GALNT13: variants seen among roughly 807,000 people sequenced by gnomAD.
GALNT13 encodes the protein UDP-GalNAc:polypeptide N-acetylgalactosaminyltransferase 13.
A neutral mutation model predicts 64.2 loss-of-function variants in GALNT13; 28 were observed. That is an observed-to-expected ratio of 0.44 (90% confidence interval 0.32 to 0.60). GALNT13 has a LOEUF of 0.60. Ranked by LOEUF, GALNT13 falls within the 20% of genes least tolerant of loss-of-function variation. GALNT13 has a pLI of 0.05. For missense variants in GALNT13, 577 were observed against 669.8 expected (o/e 0.86, Z 1.53); for synonymous variants, 214 against 224.6 (o/e 0.95, Z 0.42).
chr2:153,194,418 T>C, the GALNT13 span, among the ~76,000 whole-genome samples: 9 of 152,332 alleles, frequency 5.9e-5, no homozygotes, highest in Admixed American at 1.3e-4. Flanking sequence ...ATTTAATACA[T>C]TCTTCAGTTC....
At chr2:154,230,298 A>C (rs1379748351) in intron 4 of GALNT13, among the ~76,000 whole-genome samples, 1 of 152,132 alleles carries the variant, frequency 6.6e-6, no homozygotes, top group East Asian at 1.9e-4. Flanking sequence ...CTGCAAAGTC[A>C]CTTTAATTAC....
the GALNT13 span, among the ~76,000 whole-genome samples, chr2:153,604,824 G>A: frequency 6.6e-6 from 1 of 152,030 alleles, no homozygotes; most frequent in Non-Finnish European, 1.5e-5. Flanking sequence ...CCTATTGGAT[G>A]GTTTCTGTGT....
chr2:154,281,251 C>G (rs1691944387), intron 8 of GALNT13, among the ~76,000 whole-genome samples: 1 of 152,156 alleles, frequency 6.6e-6, no homozygotes, highest in African/African-American at 2.4e-5. Flanking sequence ...TGTAGGATTT[C>G]TAATATCTGA....
chr2:153,680,251 G>T, the GALNT13 span, among the ~76,000 whole-genome samples: 3 of 151,706 alleles, frequency 2.0e-5, no homozygotes, highest in African/African-American at 7.3e-5. Flanking sequence ...TATGACAGAC[G>T]AAGAATGGAG....
chr2:154,359,740 G>C (rs1213768652), intron 9 of GALNT13, among the ~76,000 whole-genome samples: 2 of 152,108 alleles, frequency 1.3e-5, no homozygotes, highest in Non-Finnish European at 2.9e-5. Flanking sequence ...CCATTGATTA[G>C]TGCATGTTGA....
At chr2:154,229,902 A>G (rs1277466196) in intron 4 of GALNT13, among the ~76,000 whole-genome samples, 1 of 152,120 alleles carries the variant, frequency 6.6e-6, no homozygotes, top group African/African-American at 2.4e-5. Context: ...GAGTCATCAA[A>G]AACATTTGAA....
At chr2:153,941,632 T>C (rs1053457991) in intron 2 of GALNT13, among the ~76,000 whole-genome samples, 2 of 152,210 alleles carry the variant, frequency 1.3e-5, no homozygotes, top group African/African-American at 4.8e-5. Context: ...TGGTTAGTAT[T>C]CTGTGTTTAA....
intron 4 of GALNT13, among the ~76,000 whole-genome samples, chr2:154,230,397 A>G (rs945647970): frequency 1.3e-5 from 2 of 152,126 alleles, no homozygotes; most frequent in Admixed American, 6.6e-5. Context: ...CAGAGGTTAC[A>G]TAAAGGGAAC....
the GALNT13 span, among the ~76,000 whole-genome samples, chr2:153,358,389 A>G: frequency 6.6e-6 from 1 of 152,198 alleles, no homozygotes; most frequent in Middle Eastern, 3.2e-3. Context: ...ACTTAGAGTA[A>G]CAATTGCAGA....
At chr2:154,346,270 A>G (rs1002454166) in intron 9 of GALNT13, among the ~76,000 whole-genome samples, 1 of 152,100 alleles carries the variant, frequency 6.6e-6, no homozygotes, top group Admixed American at 6.6e-5. Flanking sequence ...TCCAAAACTA[A>G]ATAAATAAAA....
intron 3 of GALNT13, among the ~76,000 whole-genome samples, chr2:153,994,075 C>T (rs367641747): frequency 5.5e-4 from 83 of 152,238 alleles, no homozygotes; most frequent in Non-Finnish European, 1.0e-3. Flanking sequence ...CTCACCCCAC[C>T]CCATGACAGG....
intron 4 of GALNT13, among the ~76,000 whole-genome samples, chr2:154,172,941 A>G (rs771616956): frequency 6.6e-6 from 1 of 152,094 alleles, no homozygotes; most frequent in Non-Finnish European, 1.5e-5. Context: ...CAAAATACCA[A>G]TGGCATTATT....
At chr2:153,561,857 A>G in the GALNT13 span, among the ~76,000 whole-genome samples, 1 of 152,144 alleles carries the variant, frequency 6.6e-6, no homozygotes, top group Non-Finnish European at 1.5e-5. Context: ...CTATTTGTAA[A>G]TGTTTTCTTC....
At chr2:153,914,110 C>A (rs1689167640) in intron 2 of GALNT13, among the ~76,000 whole-genome samples, 1 of 152,138 alleles carries the variant, frequency 6.6e-6, no homozygotes, top group African/African-American at 2.4e-5. Flanking sequence ...TTAACACTTT[C>A]AAAATCTTAT....
intron 9 of GALNT13, among the ~76,000 whole-genome samples, chr2:154,362,000 G>T (rs1382760237): frequency 2.0e-5 from 3 of 152,044 alleles, no homozygotes; most frequent in Admixed American, 6.6e-5. Flanking sequence ...CTTGGTAAAA[G>T]ATCCTGCTAC....
the GALNT13 span, among the ~76,000 whole-genome samples, chr2:153,760,397 A>G: frequency 0.23 from 35,580 of 151,702 alleles, 4,497 homozygotes; most frequent in Non-Finnish European, 0.28. Flanking sequence ...TAAATATAGA[A>G]CTGTTTTTGT....
chr2:153,250,681 C>T, the GALNT13 span, among the ~76,000 whole-genome samples: 1 of 152,170 alleles, frequency 6.6e-6, no homozygotes, highest in African/African-American at 2.4e-5. Context: ...CACATATACA[C>T]CATGAAATAT....
the GALNT13 span, among the ~76,000 whole-genome samples, chr2:153,248,264 GAA>G: frequency 6.6e-6 from 1 of 152,082 alleles, no homozygotes; most frequent in South Asian, 2.1e-4. Context: ...AACAAGAAAA[GAA>G]AATTTTAGGC....
the GALNT13 span, among the ~76,000 whole-genome samples, chr2:153,228,904 G>A: frequency 6.2e-5 from 9 of 144,870 alleles, no homozygotes; most frequent in East Asian, 8.0e-4. Flanking sequence ...AGTAGATACC[G>A]CTTGTAATTG....
Sources: gnomAD v4.1 joint callset for allele counts (sites outside exome capture counted in the v4.1 genomes callset) on GRCh38, gnomAD v4.1.1 for gene constraint, MANE v1.5 for transcripts, NCBI Gene and HGNC (gene_info 2026-07-23, HGNC 2026-07-21) for gene names.